ECPAS: variants seen among roughly 807,000 people sequenced by gnomAD.
ECPAS encodes the protein proteasome adapter and scaffold protein ECM29.
Under a neutral mutation model 255.1 loss-of-function variants are expected in ECPAS, and 70 were observed. The observed-to-expected ratio is 0.27, with a 90% confidence interval of 0.23 to 0.33. The LOEUF (loss-of-function observed/expected upper bound fraction) is 0.33, where lower values mean the gene tolerates loss of function less well. Among genes scored for constraint, ECPAS ranks in the 10% least tolerant of loss-of-function variants. The pLI is 1.00. For missense variants in ECPAS, 1,817 were observed against 2,206.4 expected (o/e 0.82, Z 3.54); for synonymous variants, 784 against 775.0 (o/e 1.01, Z -0.19).
In ECPAS at chr9:111,369,124, T is replaced by C. The variant is rs1446469116; in HGVS notation, c.5024A>G (p.Asn1675Ser). 6.2e-7 allele frequency: 1 copy of C among 1,608,050 alleles called. No individual in the cohort carries two copies. The highest frequency in any genetic ancestry group is 8.5e-7 in the Non-Finnish European group (1 of 1,177,856). Residue 1675 changes from asparagine (N) to serine (S), a missense_variant, in exon 46 of 50, where the codon AAT becomes AGT. Around this residue, in one of 4 missense-constraint regions of ECPAS, gnomAD observed 960 missense variants for 1,179.0 expected, o/e 0.81. Coordinates refer to ENST00000684092, the MANE Select transcript of ECPAS (RefSeq NM_001364929.1). ...CAGCTGGAGCTCCTTTTCCTTTTCATTCTCCTCTTCATTTTTGGTTGTCCG... is the reference window on the plus strand; with the variant it reads ...CAGCTGGAGCTCCTTTTCCTTTTCACTCTCCTCTTCATTTTTGGTTGTCCG... ...GVRTTKNEEE[N>S]EKEKELQLEY... is the part of the protein sequence containing the mutation.
rs187241350 is a variant in ECPAS at position 111,396,589 on chromosome 9, C to T, written c.2776+441G>A. 2.6e-3 allele frequency among the ~76,000 whole-genome samples: 401 copies of T among 152,256 alleles called. 1 individual carries two copies. The highest frequency in any genetic ancestry group is 3.5e-3 in the Non-Finnish European group (238 of 68,020). On this transcript the variant is annotated intron_variant, in intron 25 of 49. Transcript: ENST00000684092. Reference sequence around the variant, plus strand: ...TTTTTGAGACAGAGTCTTACTCTGTCGCCCAGGATAGAGTGCAGTGGCATA... The same window carrying T: ...TTTTTGAGACAGAGTCTTACTCTGTTGCCCAGGATAGAGTGCAGTGGCATA...
Position 111,423,189 on chromosome 9 carries a change from GTTT to G in ECPAS, c.1265+7_1265+9del. The G allele has an allele frequency of 6.5e-7, 1 of 1,546,024 alleles. No individual in the cohort carries two copies. Among genetic ancestry groups the G allele is most frequent in the Non-Finnish European group, 8.8e-7 (1 of 1,139,480 alleles). On this transcript the variant is annotated splice_region_variant and intron_variant, in intron 13 of 49. Transcript: ENST00000684092. ...ACACCATATCTCTCACTAAAAAAGA[GTTT>G]ACTCACCTGGAGAGTTTTCCAACAG...
At chr9:111,472,516 T>C (rs1172210717) in intron 2 of ECPAS, among the ~76,000 whole-genome samples, 1 of 151,670 alleles carries the variant, frequency 6.6e-6, no homozygotes, top group Non-Finnish European at 1.5e-5. Flanking sequence ...CATGCACCTG[T>C]AGTCCCAGCT....
At chr9:111,412,913 A>G (rs989716885) in intron 20 of ECPAS, among the ~76,000 whole-genome samples, 1 of 152,216 alleles carries the variant, frequency 6.6e-6, no homozygotes, top group African/African-American at 2.4e-5. Flanking sequence ...CGCAATATGT[A>G]GCACATGGAG....
intron 38 of ECPAS, among the ~76,000 whole-genome samples, chr9:111,374,520 A>G (rs570128861): frequency 2.0e-4 from 30 of 152,354 alleles, no homozygotes; most frequent in Admixed American, 7.2e-4. Flanking sequence ...CATGTGCAGA[A>G]AAGACTGGAA....
intron 23 of ECPAS, 42 bp downstream of exon 23, chr9:111,409,999 A>G: frequency 1.4e-6 from 2 of 1,471,494 alleles, no homozygotes; most frequent in Non-Finnish European, 1.9e-6. Flanking sequence ...ATGCATAGAA[A>G]GACCGAATTC....
At chr9:111,391,959 G>A (rs370283337) in intron 28 of ECPAS, 135 bp from the exon 29 acceptor site, 45 of 664,276 alleles carry the variant, frequency 6.8e-5, no homozygotes, top group African/African-American at 2.0e-4. Flanking sequence ...AGTCCTTTCC[G>A]GCCGGGCGCG....
rs1319641371 is a variant in ECPAS, at chr9:111,410,210, G to A, written c.2381C>T (p.Ser794Leu). Residue 794 changes from serine (S) to leucine (L), a missense_variant, in exon 23 of 50, where the codon TCA (serine) becomes TTA (leucine). By Grantham distance (145) the Ser-to-Leu change is moderately radical. This residue lies in a region of ECPAS where 194 missense variants were observed against 152.8 expected (regional missense o/e 1.27). Transcript: ENST00000684092. ...GAGGGGTGATGTACTGTCCAAAAAT[G>A]AGCCTGTAAGCACATTTAGCCAAAA... Reference protein sequence around the residue: ...LIQSATETIGSFLDSTSPLLA... With the variant: ...LIQSATETIGLFLDSTSPLLA... The A allele has an allele frequency of 3.1e-6, 5 of 1,608,338 alleles. No homozygotes were observed. The African/African-American group carries it at 5.4e-5, about 17-fold the overall frequency.
intron 28 of ECPAS, 121 bp from the exon 29 acceptor site, chr9:111,391,945 T>C (rs2098160792): frequency 1.3e-6 from 1 of 747,360 alleles, no homozygotes; most frequent in East Asian, 2.7e-5. Flanking sequence ...GTACAAGATA[T>C]AAAAGTCCTT....
intron 45 of ECPAS, among the ~76,000 whole-genome samples, chr9:111,369,407 T>C (rs1387772555): frequency 6.6e-6 from 1 of 152,186 alleles, no homozygotes; most frequent in Non-Finnish European, 1.5e-5. Context: ...TAAAAAATAC[T>C]GCATATGTAG....
intron 2 of ECPAS, among the ~76,000 whole-genome samples, chr9:111,457,780 G>A (rs2098268690): frequency 1.3e-5 from 2 of 152,134 alleles, no homozygotes; most frequent in South Asian, 2.1e-4. Flanking sequence ...ATTTACAGCA[G>A]CATTAATCCA....
At position 111,440,424 on chromosome 9, in the gene ECPAS, T is replaced by G. The variant is rs755584764; in HGVS notation, c.487A>C (p.Thr163Pro). 5.6e-6 allele frequency: 9 copies of G among 1,613,544 alleles called. No individual in the cohort carries two copies. The highest frequency in any genetic ancestry group is 7.6e-6 in the Non-Finnish European group (9 of 1,179,694). Residue 163 changes from threonine (T) to proline (P), a missense_variant, in exon 6 of 50, where the codon ACT becomes CCT. Physicochemically the swap from Thr to Pro is conservative, Grantham distance 38. Coordinates refer to ENST00000684092, the MANE Select transcript of ECPAS (RefSeq NM_001364929.1). ...ATGAAGTCCAAAAGCAGCTGCACAG[T>G]CTTTGGTTTCTCAGCAAGATTAAAT... ...SPFNLAEKPKTVQLLLDFMLD... is the reference protein window; with the variant it reads ...SPFNLAEKPKPVQLLLDFMLD...
rs1032619237 is a variant in ECPAS at position 111,386,002 on chromosome 9, C to G, written c.3527+375G>C. On this transcript the variant is annotated intron_variant, in intron 32 of 49. Transcript: ENST00000684092. ...CAGAGTCTCATCTCATTCTGTCGCC[C>G]AGGCTGGAGTTCAATGGCACAATCT... 5.3e-5 allele frequency among the ~76,000 whole-genome samples: 8 copies of G among 152,198 alleles called. No individual in the cohort carries two copies. The East Asian group carries it at 1.5e-3, about 29-fold the overall frequency.
chr9:111,379,487 C>T (rs745651189), intron 35 of ECPAS, among the ~76,000 whole-genome samples: 7 of 152,172 alleles, frequency 4.6e-5, no homozygotes, highest in Admixed American at 6.5e-5. Context: ...ATGGTGATGC[C>T]TACTGACTAA....
intron 2 of ECPAS, among the ~76,000 whole-genome samples, chr9:111,456,906 G>A (rs975150650): frequency 1.3e-5 from 2 of 152,168 alleles, no homozygotes; most frequent in South Asian, 4.1e-4. Flanking sequence ...CATGTAGAAA[G>A]AAAATAACAG....
chr9:111,462,380 T>G (rs2098274191), intron 2 of ECPAS, among the ~76,000 whole-genome samples: 1 of 152,156 alleles, frequency 6.6e-6, no homozygotes, highest in Non-Finnish European at 1.5e-5. Flanking sequence ...AAACAAGATG[T>G]GCACTATCAT....
intron 5 of ECPAS, 48 bp downstream of exon 5, chr9:111,442,258 G>T: frequency 8.2e-7 from 1 of 1,221,184 alleles, no homozygotes; most frequent in Non-Finnish European, 1.2e-6. Flanking sequence ...TTGAAAGGCA[G>T]TTGTTGACTC....
In ECPAS at chr9:111,420,152, C is replaced by G. The variant is rs745570953; in HGVS notation, c.1456-32G>C. 8 of 1,464,398 alleles carry G rather than the reference C, an allele frequency of 5.5e-6. No homozygotes were observed. The Admixed American group carries it at 1.3e-4, about 23-fold the overall frequency. The allele number at this position is 1,464,398 out of a possible 1,614,324, so 90.7% of individuals were successfully genotyped here. A position where few individuals can be genotyped will look rare whatever the true frequency, so the allele number is the denominator to read the frequency against. On this transcript the variant is annotated intron_variant, in intron 15 of 49. Coordinates refer to ENST00000684092, the MANE Select transcript of ECPAS (RefSeq NM_001364929.1). Reference sequence around the variant, plus strand: ...CATGTGTAAACATACACAGACCACCCCGATCCGAAAAAGGAAAAAAAAAAT... The same window carrying G: ...CATGTGTAAACATACACAGACCACCGCGATCCGAAAAAGGAAAAAAAAAAT...
chr9:111,431,881 A>G (rs1248948154), intron 8 of ECPAS, among the ~76,000 whole-genome samples: 1 of 152,226 alleles, frequency 6.6e-6, no homozygotes, highest in Non-Finnish European at 1.5e-5. Flanking sequence ...TGATTCACCT[A>G]CATCTTTCCT....
Sources: allele counts gnomAD v4.1 joint callset (sites outside exome capture counted in the v4.1 genomes callset), GRCh38; gene constraint gnomAD v4.1.1; regional missense constraint gnomAD v4.1.1; transcripts MANE v1.5; gene names NCBI Gene and HGNC (gene_info 2026-07-23, HGNC 2026-07-21).